Variants in PTPN14 observed in about 807,000 individuals in gnomAD.
PTPN14 encodes tyrosine-protein phosphatase non-receptor type 14.
PTPN14 carries 53 observed loss-of-function variants against 126.8 expected under a neutral mutation model. The ratio of observed to expected loss-of-function variants is 0.42; its 90% CI spans 0.34 to 0.53. PTPN14 has a LOEUF of 0.53. PTPN14 is among the 20% of genes least tolerant of loss of function. PTPN14 has a pLI of 0.08. For missense variants in PTPN14, 1,257 were observed against 1,552.9 expected, an observed-to-expected ratio of 0.81 and a Z score of 3.20; for synonymous variants, 630 against 599.3, an observed-to-expected ratio of 1.05 and a Z score of -0.75.
rs1491278063 is a variant in PTPN14 at position 214,350,706 on chromosome 1, A to ATTTTTTTTTTTTTTTTTTTTTTT, written c.*7215_*7216insAAAAAAAAAAAAAAAAAAAAAAA. 1 of 49,448 alleles carries ATTTTTTTTTTTTTTTTTTTTTTT rather than the reference A, an allele frequency of 2.0e-5. No homozygotes were observed. Among genetic ancestry groups the ATTTTTTTTTTTTTTTTTTTTTTT allele is most frequent in the Non-Finnish European group, 3.5e-5 (1 of 28,820 alleles). The allele number at this position is 49,448 out of a possible 1,614,324, so 3.1% of individuals were successfully genotyped here. On this transcript the variant is annotated 3_prime_UTR_variant, in exon 19 of 19. Transcript: ENST00000366956. ...CAGGCATGTGCCACCATGCCTGGCT[A>ATTTTTTTTTTTTTTTTTTTTTTT]ATTTTTTTTTTTTTTTTTTTTTTTG...
chr1:214,513,014 T>G (rs1444277602), intron 1 of PTPN14, among the ~76,000 whole-genome samples: 1 of 152,132 alleles, frequency 6.6e-6, no homozygotes, highest in East Asian at 1.9e-4. Flanking sequence ...TTTAAATCAA[T>G]TTTAAAATCC....
intron 8 of PTPN14, among the ~76,000 whole-genome samples, chr1:214,396,858 TG>T (rs1398910725): frequency 6.6e-6 from 1 of 152,240 alleles, no homozygotes; most frequent in East Asian, 1.9e-4. Context: ...TAGCTTTGAA[TG>T]GGTATAAAAA....
Position 214,364,771 on chromosome 1 carries a change from G to A in PTPN14, c.3272-96C>T. Reference sequence around the variant, plus strand: ...GCGGAAGAGAACTGATGGTGAGTGTGTGTGTGTGTGTGTGTGTGTGTGTGT... The same window carrying A: ...GCGGAAGAGAACTGATGGTGAGTGTATGTGTGTGTGTGTGTGTGTGTGTGT... On this transcript the variant is annotated intron_variant, in intron 17 of 18. Transcript: ENST00000366956. The surrounding 1 kb of genome is among the most constrained non-coding windows in gnomAD (Gnocchi z 4.1). The A allele has an allele frequency of 2.0e-6, 1 of 502,544 alleles. No homozygotes were observed. Among genetic ancestry groups the A allele is most frequent in the Non-Finnish European group, 3.3e-6 (1 of 300,870 alleles). The allele number at this position is 502,544 out of a possible 1,614,324, so 31.1% of individuals were successfully genotyped here.
Position 214,351,604 on chromosome 1 carries a change from A to G in PTPN14, c.*6318T>C, listed in dbSNP as rs1657710376. On this transcript the variant is annotated 3_prime_UTR_variant, in exon 19 of 19. Coordinates refer to ENST00000366956, the MANE Select transcript of PTPN14 (RefSeq NM_005401.5). Reference sequence around the variant, plus strand: ...AGAATGCTCTGCTAACAAGCAAGGCAAGGAAAGGCTGCCAGCAGCAGGCGA... The same window carrying G: ...AGAATGCTCTGCTAACAAGCAAGGCGAGGAAAGGCTGCCAGCAGCAGGCGA... 6.6e-6 allele frequency: 1 copy of G among 152,284 alleles called. No homozygotes were observed. The highest frequency in any genetic ancestry group is 2.4e-5 in the African/African-American group (1 of 41,474). 9.4% of individuals were successfully genotyped at this position (152,284 alleles called of 1,614,324 possible).
chr1:214,463,520 G>GTGAAACAGTTTCCC (rs1660559241), intron 2 of PTPN14, among the ~76,000 whole-genome samples: 1 of 152,174 alleles, frequency 6.6e-6, no homozygotes, highest in Non-Finnish European at 1.5e-5. Flanking sequence ...TGCATTTCAG[G>GTGAAACAGTTTCCC]TGAAACAGTT....
chr1:214,468,870 A>G (rs1039337833), intron 1 of PTPN14, among the ~76,000 whole-genome samples: 3 of 152,186 alleles, frequency 2.0e-5, no homozygotes, highest in Non-Finnish European at 4.4e-5. Context: ...TTTCTGTCTG[A>G]ATTCCCACAG....
intron 1 of PTPN14, among the ~76,000 whole-genome samples, chr1:214,527,614 T>G (rs148279856): frequency 1.5e-4 from 23 of 152,304 alleles, no homozygotes; most frequent in African/African-American, 4.8e-4. Context: ...ACCAAAAACT[T>G]CTATTGACAT....
intron 3 of PTPN14, among the ~76,000 whole-genome samples, chr1:214,447,217 C>T (rs948740280): frequency 2.0e-5 from 3 of 152,138 alleles, no homozygotes; most frequent in African/African-American, 4.8e-5. Flanking sequence ...CCCACCACCA[C>T]TGCTTCCCCT....
intron 1 of PTPN14, among the ~76,000 whole-genome samples, chr1:214,515,378 A>G (rs1307325515): frequency 6.6e-6 from 1 of 152,048 alleles, no homozygotes; most frequent in Non-Finnish European, 1.5e-5. Flanking sequence ...GGAGATTTGT[A>G]GTGAGTTTTG....
chr1:214,512,298 G>T (rs1260692003), intron 1 of PTPN14, among the ~76,000 whole-genome samples: 1 of 152,080 alleles, frequency 6.6e-6, no homozygotes, highest in Non-Finnish European at 1.5e-5. Context: ...CAAAATAAGG[G>T]TTTGGCCTAG....
chr1:214,445,856 C>T (rs1660131614), intron 3 of PTPN14, among the ~76,000 whole-genome samples: 1 of 152,066 alleles, frequency 6.6e-6, no homozygotes, highest in Admixed American at 6.6e-5. Flanking sequence ...CTTTCCGTGT[C>T]CAGAAAAATG....
At chr1:214,513,772 A>G (rs751119178) in intron 1 of PTPN14, among the ~76,000 whole-genome samples, 9 of 152,280 alleles carry the variant, frequency 5.9e-5, no homozygotes, top group Non-Finnish European at 1.0e-4. Context: ...TGGGGGCAAT[A>G]ATAATGGTAT....
intron 1 of PTPN14, among the ~76,000 whole-genome samples, chr1:214,515,980 A>T (rs1655093705): frequency 6.6e-6 from 1 of 152,154 alleles, no homozygotes; most frequent in Admixed American, 6.5e-5. Flanking sequence ...GGCCTGCTAT[A>T]TCTGATAAAG....
chr1:214,428,639 A>C (rs981452650), intron 3 of PTPN14, among the ~76,000 whole-genome samples: 1 of 152,098 alleles, frequency 6.6e-6, no homozygotes, highest in Non-Finnish European at 1.5e-5. Context: ...CTATTATTTG[A>C]CTTTTGAGTC....
chr1:214,479,700 A>C (rs1350957132), intron 1 of PTPN14, among the ~76,000 whole-genome samples: 1 of 152,156 alleles, frequency 6.6e-6, no homozygotes, highest in East Asian at 1.9e-4. Context: ...TTATGTCCTG[A>C]AATTTATTCT....
At chr1:214,437,393 A>G (rs1659944535) in intron 3 of PTPN14, among the ~76,000 whole-genome samples, 1 of 152,144 alleles carries the variant, frequency 6.6e-6, no homozygotes, top group South Asian at 2.1e-4. Flanking sequence ...AGTATAATTC[A>G]GGCCAGTTTT....
Position 214,402,857 on chromosome 1 carries a change from A to G in PTPN14, c.581+26T>C, listed in dbSNP as rs755499286. 4 of 1,611,198 alleles carry G rather than the reference A, an allele frequency of 2.5e-6. No homozygotes were observed. In the Admixed American group the frequency reaches 5.0e-5, roughly 20 times the overall value. ...GGCTGTAAACATCTGTTGTGCAGGC[A>G]GCCCCTTACCCTCTGCCTGCCTTAC... is the stretch of plus-strand genomic sequence containing the variant. On this transcript the variant is annotated intron_variant, in intron 6 of 18. Transcript: ENST00000366956.
intron 1 of PTPN14, among the ~76,000 whole-genome samples, chr1:214,499,321 T>C (rs568292488): frequency 6.8e-4 from 104 of 151,970 alleles, no homozygotes; most frequent in Non-Finnish European, 7.2e-4. Context: ...GAGACCATAG[T>C]GATATAGAAC....
At chr1:214,378,204 C>A in intron 13 of PTPN14, 102 bp from the exon 14 acceptor site, 2 of 1,391,718 alleles carry the variant, frequency 1.4e-6, no homozygotes, top group Non-Finnish European at 9.6e-7. Flanking sequence ...CCAAGGAATG[C>A]AGACAATCAC....
Sources: gnomAD v4.1 joint callset for allele counts (sites outside exome capture counted in the v4.1 genomes callset) on GRCh38, gnomAD v4.1.1 for gene constraint, Gnocchi (gnomAD v3.1) non-coding constraint, MANE v1.5 for transcripts, NCBI Gene and HGNC (gene_info 2026-07-23, HGNC 2026-07-21) for gene names.